The following SV2C variants were observed in gnomAD, a reference collection of about 807,000 sequenced individuals.
SV2C encodes synaptic vesicle glycoprotein 2C, also known as solute carrier family 22 member B3.
In SV2C, 49 loss-of-function variants were observed where a neutral mutation model predicts 79.7. The observed-to-expected ratio is 0.61, with a 90% confidence interval of 0.49 to 0.78. The LOEUF is 0.78. Ranked by LOEUF, SV2C falls within the 30% of genes least tolerant of loss-of-function variation. The pLI, the probability that SV2C is intolerant of heterozygous loss-of-function variation, is 0.00. For missense variants in SV2C, 833 were observed against 912.9 expected, an observed-to-expected ratio of 0.91 and a Z score of 1.13; for synonymous variants, 334 against 333.2, an observed-to-expected ratio of 1.00 and a Z score of -0.03.
intron 1 of SV2C, among the ~76,000 whole-genome samples, chr5:76,107,659 T>A (rs1747964760): frequency 1.3e-5 from 2 of 151,900 alleles, no homozygotes; most frequent in Admixed American, 1.3e-4. Flanking sequence ...AGGTCAGGAG[T>A]TCGAGAACAA....
At chr5:76,238,471 C>CT (rs1019799580) in intron 4 of SV2C, among the ~76,000 whole-genome samples, 1 of 152,024 alleles carries the variant, frequency 6.6e-6, no homozygotes, top group African/African-American at 2.4e-5. Flanking sequence ...TTCTGAGTTT[C>CT]TTTTTTTCTG....
At chr5:76,266,531 T>C (rs1746662019) in intron 4 of SV2C, among the ~76,000 whole-genome samples, 1 of 152,188 alleles carries the variant, frequency 6.6e-6, no homozygotes, top group Non-Finnish European at 1.5e-5. Flanking sequence ...CTTGAAGACA[T>C]TATGGTAAGT....
At chr5:76,148,116 TG>T (rs1749495123) in intron 2 of SV2C, among the ~76,000 whole-genome samples, 1 of 152,222 alleles carries the variant, frequency 6.6e-6, no homozygotes. Flanking sequence ...AACCGGGCTT[TG>T]GGCCAGATAT....
At chr5:76,163,897 G>A (rs1220965257) in intron 2 of SV2C, among the ~76,000 whole-genome samples, 1 of 152,140 alleles carries the variant, frequency 6.6e-6, no homozygotes, top group East Asian at 1.9e-4. Flanking sequence ...CTCTGCAAAT[G>A]CAAAGATAAA....
At chr5:76,241,081 C>T (rs143364634) in intron 4 of SV2C, among the ~76,000 whole-genome samples, 3,628 of 152,028 alleles carry the variant, frequency 0.024, 107 homozygotes, top group African/African-American at 0.065. Flanking sequence ...CTCAGCCTCC[C>T]GAGTAGCTGG....
chr5:76,030,289 T>TTTTTTTTTTTATTTATTTA, the SV2C span, among the ~76,000 whole-genome samples: 4 of 117,908 alleles, frequency 3.4e-5, no homozygotes, highest in African/African-American at 1.6e-4. Flanking sequence ...TTTTTTTTTT[T>TTTTTTTTTTTATTTATTTA]TTTATTTATT....
At chr5:75,995,718 T>G in the SV2C span, among the ~76,000 whole-genome samples, 268 of 152,248 alleles carry the variant, frequency 1.8e-3, 1 homozygote, top group African/African-American at 6.3e-3. Flanking sequence ...TTGATTATAT[T>G]CAGAGCTCAT....
chr5:75,921,511 G>A, the SV2C span: 2 of 805,762 alleles, frequency 2.5e-6, no homozygotes, highest in East Asian at 2.4e-5. Flanking sequence ...CAATGGCCAG[G>A]GCTGTGACAA....
At chr5:75,901,678 C>T in the SV2C span, among the ~76,000 whole-genome samples, 96 of 152,332 alleles carry the variant, frequency 6.3e-4, no homozygotes, top group African/African-American at 2.2e-3. Context: ...TTGTCTGTGC[C>T]CTGCCCCCAG....
the SV2C span, chr5:75,920,994 C>T: frequency 3.2e-4 from 229 of 704,780 alleles, no homozygotes; most frequent in Non-Finnish European, 1.7e-4. Flanking sequence ...GTGTGCTCCC[C>T]GTGCGAGTCC....
intron 11 of SV2C, 74 bp from the exon 12 acceptor site, chr5:76,301,312 C>A (rs1287711780): frequency 1.3e-6 from 2 of 1,569,198 alleles, no homozygotes; most frequent in Non-Finnish European, 1.7e-6. Flanking sequence ...CTTGAGCAAT[C>A]CCAAGGACCC....
chr5:76,006,898 A>G, the SV2C span, among the ~76,000 whole-genome samples: 1 of 152,068 alleles, frequency 6.6e-6, no homozygotes, highest in African/African-American at 2.4e-5. Context: ...CACTCTTACA[A>G]TGCCTTCTCT....
At chr5:76,292,812 A>G (rs1054658818) in intron 8 of SV2C, among the ~76,000 whole-genome samples, 1 of 152,264 alleles carries the variant, frequency 6.6e-6, no homozygotes. Flanking sequence ...TTTATTTGTT[A>G]ATCGCTGACA....
intron 1 of SV2C, among the ~76,000 whole-genome samples, chr5:76,122,071 G>A (rs1748522659): frequency 6.6e-6 from 1 of 151,826 alleles, no homozygotes; most frequent in African/African-American, 2.4e-5. Flanking sequence ...AGTTCCCCTT[G>A]AAGAGGTCCT....
At chr5:76,279,371 AGAG>A (rs908666643) in intron 4 of SV2C, among the ~76,000 whole-genome samples, 2 of 152,126 alleles carry the variant, frequency 1.3e-5, no homozygotes, top group Non-Finnish European at 2.9e-5. Flanking sequence ...GCCTGTGGAG[AGAG>A]GAGATGACTA....
intron 12 of SV2C, among the ~76,000 whole-genome samples, chr5:76,323,736 AG>A (rs1561317677): frequency 6.6e-6 from 1 of 152,260 alleles, no homozygotes; most frequent in Non-Finnish European, 1.5e-5. Context: ...TGTCCTTTGC[AG>A]GGACATGGAT....
At chr5:75,981,001 C>A in the SV2C span, among the ~76,000 whole-genome samples, 5 of 152,180 alleles carry the variant, frequency 3.3e-5, no homozygotes, top group Non-Finnish European at 7.3e-5. Flanking sequence ...AGCTGATAAA[C>A]AACTTCAGCA....
the SV2C span, among the ~76,000 whole-genome samples, chr5:75,936,332 G>T: frequency 6.6e-6 from 1 of 152,144 alleles, no homozygotes; most frequent in Non-Finnish European, 1.5e-5. Context: ...TGTCTCTACA[G>T]GTTCACTACC....
chr5:76,129,618 C>T (rs1349376583), intron 1 of SV2C, among the ~76,000 whole-genome samples: 2 of 152,152 alleles, frequency 1.3e-5, no homozygotes, highest in African/African-American at 4.8e-5. Context: ...AGAGGTGGCT[C>T]CTATACAAGG....
Sources: allele counts gnomAD v4.1 joint callset (sites outside exome capture counted in the v4.1 genomes callset), GRCh38; gene constraint gnomAD v4.1.1; transcripts MANE v1.5; gene names NCBI Gene and HGNC (gene_info 2026-07-23, HGNC 2026-07-21).